SKAP1: variants seen among roughly 807,000 people sequenced by gnomAD.
The protein encoded by SKAP1 is src kinase-associated phosphoprotein 1.
SKAP1 carries 44 observed loss-of-function variants against 58.5 expected under a neutral mutation model. The ratio of observed to expected loss-of-function variants is 0.75; its 90% CI spans 0.59 to 0.97. SKAP1 has a LOEUF of 0.97. SKAP1 is among the 50% of genes least tolerant of loss of function. SKAP1 has a pLI of 0.00. For synonymous variants in SKAP1, 127 were observed against 149.7 expected, an observed-to-expected ratio of 0.85 and a Z score of 1.11; for missense variants, 390 against 435.2, an observed-to-expected ratio of 0.90 and a Z score of 0.92.
At chr17:48,215,298 G>A (rs1367869986) in intron 4 of SKAP1, among the ~76,000 whole-genome samples, 1 of 152,180 alleles carries the variant, frequency 6.6e-6, no homozygotes, top group Admixed American at 6.5e-5. Context: ...GGGTGGGTAT[G>A]GAGGAAGACA....
chr17:48,140,388 C>T (rs969635622), intron 11 of SKAP1, among the ~76,000 whole-genome samples: 2 of 152,186 alleles, frequency 1.3e-5, no homozygotes, highest in African/African-American at 4.8e-5. Flanking sequence ...GCAGGCTCAT[C>T]TTGCTCAATT....
At chr17:48,219,565 C>T (rs921734430) in intron 4 of SKAP1, among the ~76,000 whole-genome samples, 1 of 152,148 alleles carries the variant, frequency 6.6e-6, no homozygotes, top group Non-Finnish European at 1.5e-5. Flanking sequence ...ATGTTAGTTG[C>T]AAAAACAAGT....
At chr17:48,216,482 A>G (rs1194824692) in intron 4 of SKAP1, among the ~76,000 whole-genome samples, 3 of 150,192 alleles carry the variant, frequency 2.0e-5, no homozygotes, top group Admixed American at 1.3e-4. Flanking sequence ...AGCACCCAAT[A>G]CTGTGAATAT....
At chr17:48,253,175 T>C (rs564410744) in intron 4 of SKAP1, among the ~76,000 whole-genome samples, 99 of 152,124 alleles carry the variant, frequency 6.5e-4, no homozygotes, top group Non-Finnish European at 2.8e-4. Context: ...ATTTGCAAGG[T>C]GGGAGTATAA....
chr17:48,214,930 GTAAAA>G (rs58154261), intron 4 of SKAP1, among the ~76,000 whole-genome samples: 69 of 126,946 alleles, frequency 5.4e-4, no homozygotes, highest in African/African-American at 1.5e-3. Context: ...TCAAAATAAA[GTAAAA>G]TAAAATAAAA....
chr17:48,444,281 T>C, the SKAP1 span, among the ~76,000 whole-genome samples: 56 of 152,056 alleles, frequency 3.7e-4, no homozygotes, highest in African/African-American at 1.3e-3. Flanking sequence ...GTAATCCCAG[T>C]AACAGGGGCT....
intron 4 of SKAP1, among the ~76,000 whole-genome samples, chr17:48,297,032 TA>T (rs1032432515): frequency 1.3e-5 from 2 of 151,936 alleles, no homozygotes; most frequent in East Asian, 1.9e-4. Flanking sequence ...TTTCTAGATT[TA>T]AAAAAAATCC....
rs2064479958 is a variant in SKAP1, at chr17:48,187,884, A to G, written c.401T>C (p.Val134Ala). The G allele has an allele frequency of 2.5e-6, 4 of 1,613,958 alleles. No homozygotes were observed. Among genetic ancestry groups the G allele is most frequent in the Non-Finnish European group, 3.4e-6 (4 of 1,179,936 alleles). Reference protein sequence around the residue: ...FGSEWQKRWCVVSRGLFYYYA... With the variant: ...FGSEWQKRWCAVSRGLFYYYA... The stretch of plus-strand genomic sequence containing the variant: ...GTAGTAGAAGAGACCTCTGCTGACA[A>G]CACACCATCGCTTCTGCCACTCCGA... Residue 134 changes from valine (V) to alanine (A), a missense_variant, in exon 6 of 13, where the codon GTT (valine) becomes GCT (alanine). Coordinates refer to ENST00000336915, the MANE Select transcript of SKAP1 (RefSeq NM_003726.4).
At chr17:48,442,011 A>G in the SKAP1 span, among the ~76,000 whole-genome samples, 3 of 152,104 alleles carry the variant, frequency 2.0e-5, no homozygotes, top group Admixed American at 1.3e-4. Flanking sequence ...GCTTAACATC[A>G]TCAGTGTGGC....
At chr17:48,190,054 G>A (rs1298610475) in intron 4 of SKAP1, among the ~76,000 whole-genome samples, 1 of 151,776 alleles carries the variant, frequency 6.6e-6, no homozygotes, top group Admixed American at 6.6e-5. Flanking sequence ...TTGTAGTAAG[G>A]TGAGGTAGCG....
At chr17:48,437,285 G>A in the SKAP1 span, among the ~76,000 whole-genome samples, 1 of 152,178 alleles carries the variant, frequency 6.6e-6, no homozygotes, top group Non-Finnish European at 1.5e-5. Flanking sequence ...AGAAAGACCT[G>A]GGTCCCGTTT....
intron 11 of SKAP1, among the ~76,000 whole-genome samples, chr17:48,159,002 G>A (rs1052322633): frequency 2.7e-5 from 4 of 150,296 alleles, no homozygotes; most frequent in African/African-American, 9.8e-5. Flanking sequence ...GGAGCAGCAG[G>A]AGCCTACGAC....
At chr17:48,342,852 G>A (rs1246841093) in intron 4 of SKAP1, among the ~76,000 whole-genome samples, 1 of 152,098 alleles carries the variant, frequency 6.6e-6, no homozygotes, top group Non-Finnish European at 1.5e-5. Flanking sequence ...AGGCGCGGTG[G>A]CCGGCGCCTA....
At chr17:48,250,623 T>C (rs932121476) in intron 4 of SKAP1, among the ~76,000 whole-genome samples, 8 of 151,950 alleles carry the variant, frequency 5.3e-5, no homozygotes, top group African/African-American at 1.7e-4. Context: ...AGTCGAAAGG[T>C]TAGAAATTAG....
At position 48,302,477 on chromosome 17, in the gene SKAP1, T is replaced by TC. The variant is rs536231264; in HGVS notation, c.280+43427dup. On this transcript the variant is annotated intron_variant, in intron 4 of 12. Coordinates refer to ENST00000336915, the MANE Select transcript of SKAP1 (RefSeq NM_003726.4). The stretch of plus-strand genomic sequence containing the variant: ...CAGGAAGTGAAGTTTCCTTCTCCCC[T>TC]CCATTTCATGGAAAACCTTTAAGAG... Among the ~76,000 whole-genome samples the TC allele has an allele frequency of 2.5e-4, 38 of 152,318 alleles. No individual in the cohort carries two copies. The East Asian group carries it at 7.1e-3, about 29-fold the overall frequency.
chr17:48,242,052 G>T (rs1401690730), intron 4 of SKAP1, among the ~76,000 whole-genome samples: 7 of 152,144 alleles, frequency 4.6e-5, no homozygotes, highest in African/African-American at 1.4e-4. Flanking sequence ...GGAGAACTGA[G>T]TCCAACAACA....
intron 4 of SKAP1, chr17:48,231,818 G>A (rs1243637698): frequency 6.6e-6 from 1 of 152,186 alleles, no homozygotes; most frequent in Non-Finnish European, 1.5e-5. Context: ...AGTGTTAATA[G>A]ATTCTTACAC....
intron 9 of SKAP1, among the ~76,000 whole-genome samples, chr17:48,173,432 A>G (rs1321635665): frequency 6.6e-6 from 1 of 152,168 alleles, no homozygotes; most frequent in Non-Finnish European, 1.5e-5. Flanking sequence ...AAACCACATT[A>G]AACATTCTTT....
At chr17:48,153,907 A>G (rs1020219382) in intron 11 of SKAP1, among the ~76,000 whole-genome samples, 3 of 152,148 alleles carry the variant, frequency 2.0e-5, no homozygotes, top group East Asian at 1.9e-4. Context: ...AAAAAAAAAA[A>G]AAAAGAAAAA....
Sources: allele counts gnomAD v4.1 joint callset (sites outside exome capture counted in the v4.1 genomes callset), GRCh38; gene constraint gnomAD v4.1.1; transcripts MANE v1.5; gene names NCBI Gene and HGNC (gene_info 2026-07-23, HGNC 2026-07-21).